KIAA0040: variants seen among roughly 807,000 people sequenced by gnomAD.
KIAA0040 encodes the protein uncharacterized protein KIAA0040.
A neutral mutation model predicts 7.2 loss-of-function variants in KIAA0040; 10 were observed. The ratio of observed to expected loss-of-function variants is 1.38; its 90% confidence interval spans 0.85 to 2.34. The LOEUF is 2.34. KIAA0040 is among the 30% of genes most tolerant of loss of function. The pLI is 0.00. For missense variants in KIAA0040, 89 were observed against 108.2 expected, an observed-to-expected ratio of 0.82 and a Z score of 0.79; for synonymous variants, 49 against 40.1, an observed-to-expected ratio of 1.22 and a Z score of -0.84.
intron 2 of KIAA0040, chr1:175,176,427 T>A (rs1272266018): frequency 6.6e-6 from 1 of 152,202 alleles, no homozygotes; most frequent in African/African-American, 2.4e-5. Flanking sequence ...TGTGGTGGAC[T>A]TCAGATTTGC....
At chr1:175,176,704 T>TTTTTTTTCA (rs1677212753) in intron 2 of KIAA0040, among the ~76,000 whole-genome samples, 1 of 98,376 alleles carries the variant, frequency 1.0e-5, no homozygotes. Flanking sequence ...TTTTTTTGCT[T>TTTTTTTTCA]CAGCACCTTC....
chr1:175,176,888 T>C (rs1375494923), intron 2 of KIAA0040, among the ~76,000 whole-genome samples: 1 of 152,128 alleles, frequency 6.6e-6, no homozygotes, highest in Non-Finnish European at 1.5e-5. Flanking sequence ...ATGGCAAGTA[T>C]TGCAAATTCC....
At chr1:175,186,900 T>G (rs528635768) in intron 1 of KIAA0040, among the ~76,000 whole-genome samples, 30 of 152,274 alleles carry the variant, frequency 2.0e-4, no homozygotes, top group Admixed American at 1.0e-3. Context: ...TGGAATGATG[T>G]GGGTCACCCA....
upstream of KIAA0040, chr1:175,192,817 G>GCCCCCCCCCCCCCCCCCCCCC (rs1558405268): frequency 1.6e-5 from 2 of 123,534 alleles, no homozygotes; most frequent in East Asian, 2.5e-4. Flanking sequence ...CGTGGGAGCC[G>GCCCCCCCCCCCCCCCCCCCCC]CCCGCCCCGC....
At chr1:175,165,346 T>C (rs1039259944) in intron 3 of KIAA0040, among the ~76,000 whole-genome samples, 14 of 152,214 alleles carry the variant, frequency 9.2e-5, no homozygotes, top group Non-Finnish European at 1.6e-4. Context: ...ATCAAAATGA[T>C]TCAATATATT....
intron 3 of KIAA0040, among the ~76,000 whole-genome samples, chr1:175,162,360 T>A (rs1676578802): frequency 6.6e-6 from 1 of 151,928 alleles, no homozygotes; most frequent in South Asian, 2.1e-4. Context: ...AGCAGTGAGG[T>A]GACATGTCTG....
chr1:175,192,247 C>A (rs1677891341), intron 1 of KIAA0040, among the ~76,000 whole-genome samples: 1 of 152,226 alleles, frequency 6.6e-6, no homozygotes, highest in African/African-American at 2.4e-5. Context: ...AATCTGGCTT[C>A]ACCTAGAATG....
At chr1:175,183,982 C>T (rs1003445989) in intron 1 of KIAA0040, among the ~76,000 whole-genome samples, 1 of 152,198 alleles carries the variant, frequency 6.6e-6, no homozygotes, top group Non-Finnish European at 1.5e-5. Flanking sequence ...CAGCCAGAGT[C>T]ATGTCCGGGC....
intron 2 of KIAA0040, among the ~76,000 whole-genome samples, chr1:175,171,010 C>G (rs1341438680): frequency 6.6e-6 from 1 of 152,238 alleles, no homozygotes; most frequent in Non-Finnish European, 1.5e-5. Flanking sequence ...CTAGCCGCGC[C>G]TACTACTGGA....
intron 1 of KIAA0040, among the ~76,000 whole-genome samples, chr1:175,190,319 T>C (rs190464103): frequency 3.9e-5 from 6 of 152,344 alleles, no homozygotes; most frequent in Admixed American, 3.3e-4. Flanking sequence ...TAGGCCACTA[T>C]TGACAAATAC....
intron 3 of KIAA0040, among the ~76,000 whole-genome samples, chr1:175,163,692 G>A (rs1676638881): frequency 6.6e-6 from 1 of 152,244 alleles, no homozygotes; most frequent in Admixed American, 6.5e-5. Flanking sequence ...TTTCTGCTCT[G>A]TTGTGGAAAG....
intron 2 of KIAA0040, among the ~76,000 whole-genome samples, chr1:175,175,511 C>A (rs1047711439): frequency 6.6e-6 from 1 of 151,036 alleles, no homozygotes; most frequent in African/African-American, 2.4e-5. Context: ...TTTGACCCAG[C>A]CATCCCATTA....
intron 1 of KIAA0040, among the ~76,000 whole-genome samples, chr1:175,183,401 G>A (rs1012635679): frequency 1.3e-5 from 2 of 152,134 alleles, no homozygotes; most frequent in African/African-American, 4.8e-5. Flanking sequence ...TATGTCCATG[G>A]GCCAGGAAGC....
At chr1:175,184,537 G>A (rs1050799523) in intron 1 of KIAA0040, among the ~76,000 whole-genome samples, 2 of 152,220 alleles carry the variant, frequency 1.3e-5, no homozygotes, top group African/African-American at 4.8e-5. Flanking sequence ...GAAAGTCTAT[G>A]AGTTGAAACA....
chr1:175,166,960 C>T lies in KIAA0040; in HGVS notation c.-309-223G>A, dbSNP rs1224207084. Among the ~76,000 whole-genome samples, 5 of 152,094 alleles carry T rather than the reference C, an allele frequency of 3.3e-5. No individual in the cohort carries two copies. In the East Asian group the frequency reaches 9.6e-4, roughly 29 times the overall value. Reference sequence around the variant, plus strand: ...ACCTACTCCTGCTGGGAACTTTGTACCCAGGACAAGCAAACCAGATCCCTG... The same window carrying T: ...ACCTACTCCTGCTGGGAACTTTGTATCCAGGACAAGCAAACCAGATCCCTG... On this transcript the variant is annotated intron_variant, in intron 2 of 3. Transcript: ENST00000423313.
intron 2 of KIAA0040, among the ~76,000 whole-genome samples, chr1:175,170,238 C>A (rs183356004): frequency 6.6e-6 from 1 of 152,050 alleles, no homozygotes; most frequent in Non-Finnish European, 1.5e-5. Context: ...TGGTGAGCAT[C>A]GTAAGTAAAG....
intron 2 of KIAA0040, among the ~76,000 whole-genome samples, chr1:175,172,735 C>T (rs1157525161): frequency 2.0e-5 from 3 of 152,228 alleles, no homozygotes; most frequent in South Asian, 4.1e-4. Flanking sequence ...CATCATTTTA[C>T]TCTCAGTATC....
At chr1:175,190,625 C>T (rs1271229130) in intron 1 of KIAA0040, among the ~76,000 whole-genome samples, 1 of 152,240 alleles carries the variant, frequency 6.6e-6, no homozygotes, top group African/African-American at 2.4e-5. Flanking sequence ...TCCTTTACCA[C>T]ATTCACTTGG....
At chr1:175,174,117 G>T (rs775384325) in intron 2 of KIAA0040, among the ~76,000 whole-genome samples, 3 of 148,438 alleles carry the variant, frequency 2.0e-5, no homozygotes, top group Non-Finnish European at 3.0e-5. Flanking sequence ...CACCTCCCCT[G>T]GATTATAAAC....
Sources: gnomAD v4.1 joint callset for allele counts (sites outside exome capture counted in the v4.1 genomes callset) on GRCh38, gnomAD v4.1.1 for gene constraint, MANE v1.5 for transcripts, NCBI Gene and HGNC (gene_info 2026-07-23, HGNC 2026-07-21) for gene names.